NEGR1: variants seen among roughly 807,000 people sequenced by gnomAD.
The protein encoded by NEGR1 is IgLON family member 4.
In NEGR1, 10 loss-of-function variants were observed where a neutral mutation model predicts 40.9. The observed-to-expected ratio is 0.24, with a 90% CI of 0.15 to 0.42. The LOEUF is 0.42. Ranked by LOEUF, NEGR1 falls within the 10% of genes least tolerant of loss-of-function variation. NEGR1 has a pLI of 1.00. For missense variants in NEGR1, 352 were observed against 438.9 expected (o/e 0.80, Z 1.77); for synonymous variants, 185 against 166.8 (o/e 1.11, Z -0.84).
chr1:71,842,364 C>T (rs2101803565), intron 2 of NEGR1, among the ~76,000 whole-genome samples: 1 of 152,216 alleles, frequency 6.6e-6, no homozygotes, highest in Middle Eastern at 3.4e-3. Flanking sequence ...AAGATACAAA[C>T]TCATCATGGA....
intron 6 of NEGR1, chr1:71,422,393 C>A (rs1646403103): frequency 6.6e-6 from 1 of 152,166 alleles, no homozygotes; most frequent in Non-Finnish European, 1.5e-5. Flanking sequence ...TCAGAATGTT[C>A]AAAGAAATGC....
chr1:72,234,797 A>G (rs976590754), intron 1 of NEGR1, among the ~76,000 whole-genome samples: 2 of 152,098 alleles, frequency 1.3e-5, no homozygotes, highest in African/African-American at 4.8e-5. Flanking sequence ...GATGCTGGTC[A>G]GGTTGTATAG....
In NEGR1 at chr1:72,181,117, A is replaced by G. The variant is rs532699481; in HGVS notation, c.176+101202T>C. On this transcript the variant is annotated intron_variant, in intron 1 of 6. Transcript: ENST00000357731. The stretch of plus-strand genomic sequence containing the variant: ...CTAGAACCATAGGCATTGGCCTTTA[A>G]GGTTTTAGAATGACTGATATTTTAG... 2.6e-5 allele frequency among the ~76,000 whole-genome samples: 4 copies of G among 152,252 alleles called. No individual in the cohort carries two copies. In the East Asian group the frequency reaches 7.8e-4, roughly 30 times the overall value.
rs529176337 is a variant in NEGR1, at chr1:72,240,384, T to C, written c.176+41935A>G. Among the ~76,000 whole-genome samples, 4 of 151,684 alleles carry C rather than the reference T, an allele frequency of 2.6e-5. 1 individual carries two copies. In the South Asian group the frequency reaches 8.3e-4, roughly 32 times the overall value. Reference sequence around the variant, plus strand: ...ATCTCAAATGGTTCAGCTTTCAGAGTTTTGACTGAAAAGTTAAATAAGCAA... The same window carrying C: ...ATCTCAAATGGTTCAGCTTTCAGAGCTTTGACTGAAAAGTTAAATAAGCAA... On this transcript the variant is annotated intron_variant, in intron 1 of 6. Transcript: ENST00000357731.
chr1:71,606,477 T>C (rs1274025073), intron 5 of NEGR1, among the ~76,000 whole-genome samples: 1 of 152,220 alleles, frequency 6.6e-6, no homozygotes, highest in East Asian at 1.9e-4. Flanking sequence ...TTGAGATAGT[T>C]AGTGCTTACT....
intron 6 of NEGR1, among the ~76,000 whole-genome samples, chr1:71,532,707 A>T (rs1647392407): frequency 6.6e-6 from 1 of 151,632 alleles, no homozygotes; most frequent in Non-Finnish European, 1.5e-5. Context: ...ATCCAACAGG[A>T]GGACATATCA....
intron 2 of NEGR1, among the ~76,000 whole-genome samples, chr1:71,907,509 C>T (rs1661309732): frequency 6.6e-6 from 1 of 152,062 alleles, no homozygotes; most frequent in South Asian, 2.1e-4. Flanking sequence ...GAAAAAACAA[C>T]AGAGGCTGGT....
At chr1:71,906,104 T>C (rs1661267172) in intron 2 of NEGR1, among the ~76,000 whole-genome samples, 1 of 152,132 alleles carries the variant, frequency 6.6e-6, no homozygotes, top group African/African-American at 2.4e-5. Context: ...AGCCCCCTAC[T>C]CATGCTGCTA....
At position 71,935,202 on chromosome 1, in the gene NEGR1, A is replaced by G. The variant is rs776750026; in HGVS notation, c.286T>C (p.Leu96=). The G allele has an allele frequency of 1.9e-6, 3 of 1,613,710 alleles. No individual in the cohort carries two copies. The highest frequency in any genetic ancestry group is 2.5e-6 in the Non-Finnish European group (3 of 1,179,694). ...TGGAGGCTGTAGTCCCTTTTATTCA[A>G]TGTTGAAATTGAAACTCGAGGATCC... ...SVDPRVSIST[L]NKRDYSLQIQ... The change falls in exon 2 of 7, where the codon TTG becomes CTG. Residue 96 remains leucine (L), a synonymous_variant. Transcript: ENST00000357731.
intron 1 of NEGR1, among the ~76,000 whole-genome samples, chr1:72,096,313 AAAGT>A (rs1223021871): frequency 1.3e-5 from 2 of 152,158 alleles, no homozygotes; most frequent in African/African-American, 2.4e-5. Flanking sequence ...AGAAGATAGT[AAAGT>A]AAGTGATTAT....
intron 1 of NEGR1, among the ~76,000 whole-genome samples, chr1:72,231,494 A>C (rs1654363120): frequency 6.6e-6 from 1 of 152,134 alleles, no homozygotes; most frequent in Non-Finnish European, 1.5e-5. Context: ...TGAATATTAG[A>C]TAAGTTAATG....
intron 1 of NEGR1, among the ~76,000 whole-genome samples, chr1:72,165,055 A>G (rs1312051582): frequency 1.3e-5 from 2 of 151,808 alleles, no homozygotes; most frequent in Non-Finnish European, 2.9e-5. Context: ...GCCTTGACAT[A>G]GTTCATTATG....
chr1:71,577,047 A>G (rs558781240), intron 6 of NEGR1, among the ~76,000 whole-genome samples: 19 of 152,316 alleles, frequency 1.2e-4, no homozygotes, highest in African/African-American at 3.4e-4. Flanking sequence ...GTCACTTGCC[A>G]CTGTTTCTAA....
At chr1:71,776,506 T>G (rs904184559) in intron 2 of NEGR1, among the ~76,000 whole-genome samples, 1 of 152,194 alleles carries the variant, frequency 6.6e-6, no homozygotes, top group Non-Finnish European at 1.5e-5. Flanking sequence ...TTTTGGATGT[T>G]AAATACCTCA....
At chr1:71,671,767 T>C (rs1190194583) in intron 4 of NEGR1, among the ~76,000 whole-genome samples, 1 of 152,224 alleles carries the variant, frequency 6.6e-6, no homozygotes, top group Non-Finnish European at 1.5e-5. Flanking sequence ...TTGGCAATCA[T>C]GGGTCCCCGT....
chr1:72,021,008 A>AT (rs138122236), intron 1 of NEGR1, among the ~76,000 whole-genome samples: 2,132 of 152,264 alleles, frequency 0.014, 45 homozygotes, highest in African/African-American at 0.049. Flanking sequence ...GAAATAACAC[A>AT]TTTTTTCCAA....
At chr1:72,066,652 G>A (rs561768987) in intron 1 of NEGR1, among the ~76,000 whole-genome samples, 63 of 152,242 alleles carry the variant, frequency 4.1e-4, no homozygotes, top group African/African-American at 1.5e-3. Context: ...CATGCACAGA[G>A]AAAAGGCCCT....
At chr1:71,714,541 G>A (rs1762727) in intron 3 of NEGR1, among the ~76,000 whole-genome samples, 5 of 151,974 alleles carry the variant, frequency 3.3e-5, no homozygotes, top group Admixed American at 6.5e-5. Context: ...AGTTGGTTCC[G>A]TCCTAGAAAC....
intron 1 of NEGR1, among the ~76,000 whole-genome samples, chr1:72,093,194 G>C (rs1427017451): frequency 6.6e-6 from 1 of 151,924 alleles, no homozygotes; most frequent in African/African-American, 2.4e-5. Flanking sequence ...AGCTGAGCAT[G>C]GTGGTGCATG....
Sources: gnomAD v4.1 joint callset for allele counts (sites outside exome capture counted in the v4.1 genomes callset) on GRCh38, gnomAD v4.1.1 for gene constraint, MANE v1.5 for transcripts, NCBI Gene and HGNC (gene_info 2026-07-23, HGNC 2026-07-21) for gene names.